GRK5: variants seen among roughly 807,000 people sequenced by gnomAD.
GRK5 encodes the protein G protein-coupled receptor kinase 5, also known as g protein-coupled receptor kinase GRK5.
Under a neutral mutation model 78.4 loss-of-function variants are expected in GRK5, and 40 were observed. The ratio of observed to expected loss-of-function variants is 0.51; its 90% CI spans 0.40 to 0.66. The LOEUF (loss-of-function observed/expected upper bound fraction) is 0.66, where lower values mean the gene tolerates loss of function less well. Ranked by LOEUF, GRK5 falls within the 30% of genes least tolerant of loss-of-function variation. The pLI is 0.00. For synonymous variants in GRK5, 289 were observed against 296.8 expected (o/e 0.97, Z 0.27); for missense variants, 598 against 759.9 (o/e 0.79, Z 2.50).
chr10:119,419,792 C>T (rs982683531), intron 4 of GRK5, among the ~76,000 whole-genome samples: 5 of 152,224 alleles, frequency 3.3e-5, no homozygotes, highest in African/African-American at 1.2e-4. Context: ...CCCCTTATTC[C>T]GTCTTCTATA....
chr10:119,442,498 A>G (rs770796881), intron 11 of GRK5, among the ~76,000 whole-genome samples: 1 of 152,194 alleles, frequency 6.6e-6, no homozygotes, highest in Non-Finnish European at 1.5e-5. Flanking sequence ...ACCAAGCATG[A>G]TTCCAGTAGA....
intron 12 of GRK5, among the ~76,000 whole-genome samples, chr10:119,447,316 C>T (rs868306121): frequency 5.3e-5 from 8 of 152,182 alleles, no homozygotes; most frequent in South Asian, 2.1e-4. Flanking sequence ...ATGAAAATCC[C>T]GCCACCTGAC....
At chr10:119,291,011 G>A (rs1849945320) in intron 1 of GRK5, among the ~76,000 whole-genome samples, 2 of 152,188 alleles carry the variant, frequency 1.3e-5, no homozygotes, top group Admixed American at 1.3e-4. Context: ...GGGTCAGACA[G>A]ATTGTTCTGT....
rs1164037205 is a variant in GRK5, at chr10:119,459,514, TTAAAA to T, written c.*4451_*4455del. ...AAGAGTTTAGTGGCTTTTGGTGTTGTTAAAATAATAAGAATCCTTCTAGCATCCAA... is the reference window on the plus strand; with the variant it reads ...AAGAGTTTAGTGGCTTTTGGTGTTGTTAATAAGAATCCTTCTAGCATCCAA... On this transcript the variant is annotated 3_prime_UTR_variant, in exon 16 of 16. Transcript: ENST00000392870. 2.0e-5 allele frequency: 3 copies of T among 152,352 alleles called. No individual in the cohort carries two copies. The East Asian group carries it at 5.8e-4, about 29-fold the overall frequency. The allele number at this position is 152,352 out of a possible 1,614,324, so 9.4% of individuals were successfully genotyped here. A position where few individuals can be genotyped will look rare whatever the true frequency, so the allele number is the denominator to read the frequency against.
At position 119,444,942 on chromosome 10, in the gene GRK5, C is replaced by G. The variant is rs562853122; in HGVS notation, c.1266+1190C>G. Among the ~76,000 whole-genome samples the G allele has an allele frequency of 3.3e-5, 5 of 152,338 alleles. No homozygotes were observed. In the South Asian group the frequency reaches 1.0e-3, roughly 32 times the overall value. On this transcript the variant is annotated intron_variant, in intron 12 of 15. Coordinates refer to ENST00000392870, the MANE Select transcript of GRK5 (RefSeq NM_005308.3). ...CCTGAGATCTGCGCCGCAAGCGGCC[C>G]CAGGAGGGTCTGGCTCGGCTCCTCA...
At chr10:119,362,728 T>G (rs576814906) in intron 2 of GRK5, among the ~76,000 whole-genome samples, 134 of 152,334 alleles carry the variant, frequency 8.8e-4, no homozygotes, top group African/African-American at 3.0e-3. Flanking sequence ...CCAAGAAGCA[T>G]GGGACCCTTG....
chr10:119,250,718 C>G (rs1849185551), intron 1 of GRK5, among the ~76,000 whole-genome samples: 1 of 152,112 alleles, frequency 6.6e-6, no homozygotes, highest in African/African-American at 2.4e-5. Flanking sequence ...GAGCTACACA[C>G]AAAATTGGAA....
chr10:119,243,798 A>C (rs888332533), intron 1 of GRK5, among the ~76,000 whole-genome samples: 3 of 152,236 alleles, frequency 2.0e-5, no homozygotes, highest in African/African-American at 7.2e-5. Context: ...AGTGCCACAC[A>C]GTGAAAACCA....
At chr10:119,274,722 G>C (rs140323880) in intron 1 of GRK5, among the ~76,000 whole-genome samples, 1 of 152,112 alleles carries the variant, frequency 6.6e-6, no homozygotes, top group Non-Finnish European at 1.5e-5. Context: ...TAGAGTTTTC[G>C]GTTTCTCTGT....
At chr10:119,215,620 A>G (rs59945210) in intron 1 of GRK5, among the ~76,000 whole-genome samples, 7,322 of 148,578 alleles carry the variant, frequency 0.049, 646 homozygotes, top group African/African-American at 0.17. Context: ...GTCAGGGACA[A>G]TCATGGATGG....
intron 2 of GRK5, among the ~76,000 whole-genome samples, chr10:119,343,281 G>A (rs989574178): frequency 2.6e-5 from 4 of 152,188 alleles, no homozygotes; most frequent in African/African-American, 9.7e-5. Context: ...GAGAGAGAGA[G>A]AGAGAACACT....
chr10:119,357,969 G>A (rs534560025), intron 2 of GRK5, among the ~76,000 whole-genome samples: 1 of 152,186 alleles, frequency 6.6e-6, no homozygotes, highest in Non-Finnish European at 1.5e-5. Context: ...AGCAGATCCT[G>A]GTCCTCTCGG....
rs1179346183 is a variant in GRK5, at chr10:119,431,101, G to A, written c.598-286G>A. ...CCCTGGGAATGGAACGGTACTTGGG[G>A]CCCCAGTCAGTTATCTAAGCCTTGG... On this transcript the variant is annotated intron_variant, in intron 7 of 15. Coordinates refer to ENST00000392870, the MANE Select transcript of GRK5 (RefSeq NM_005308.3). This position sits in a 1 kb window ranked among gnomAD's most constrained non-coding sequence, Gnocchi z 4.8. Among the ~76,000 whole-genome samples the A allele has an allele frequency of 1.3e-5, 2 of 152,182 alleles. No individual in the cohort carries two copies. Among genetic ancestry groups the A allele is most frequent in the African/African-American group, 2.4e-5 (1 of 41,448 alleles).
intron 1 of GRK5, among the ~76,000 whole-genome samples, chr10:119,294,918 C>T (rs1161515710): frequency 6.6e-6 from 1 of 152,078 alleles, no homozygotes; most frequent in African/African-American, 2.4e-5. Flanking sequence ...TGGCTGGGTG[C>T]AGTGGCTCAG....
intron 1 of GRK5, among the ~76,000 whole-genome samples, chr10:119,235,331 C>T (rs1009595847): frequency 1.3e-5 from 2 of 152,092 alleles, no homozygotes; most frequent in African/African-American, 4.8e-5. Flanking sequence ...TGCCTATTAT[C>T]CCTGGAAAAC....
chr10:119,385,133 G>A (rs1019135932), intron 3 of GRK5, among the ~76,000 whole-genome samples: 2 of 152,204 alleles, frequency 1.3e-5, no homozygotes, highest in Non-Finnish European at 2.9e-5. Flanking sequence ...GAGGGGCAGA[G>A]GGGGTAGGAG....
intron 1 of GRK5, among the ~76,000 whole-genome samples, chr10:119,316,861 G>C (rs888082678): frequency 1.3e-5 from 2 of 152,062 alleles, no homozygotes; most frequent in Non-Finnish European, 2.9e-5. Context: ...CTGGCCCCCC[G>C]TCCCTCCCTG....
chr10:119,207,636 A>G lies in GRK5; in HGVS notation c.-282A>G. 1 of 271,926 alleles carries G rather than the reference A, an allele frequency of 3.7e-6. No homozygotes were observed. Among genetic ancestry groups the G allele is most frequent in the Non-Finnish European group, 6.3e-6 (1 of 159,536 alleles). 16.8% of individuals were successfully genotyped at this position (271,926 alleles called of 1,614,324 possible). On this transcript the variant is annotated 5_prime_UTR_variant, in exon 1 of 16. Transcript: ENST00000392870. The stretch of plus-strand genomic sequence containing the variant: ...GGGAGGAGAATGGAGTGACAGAGAC[A>G]CGCGGAGGGTGGGGGGTGGGGGGGA...
intron 2 of GRK5, among the ~76,000 whole-genome samples, chr10:119,374,711 T>G (rs995374920): frequency 2.6e-4 from 40 of 152,218 alleles, no homozygotes; most frequent in Non-Finnish European, 1.3e-4. Context: ...CTAAGTCTCA[T>G]GTTGAGATGT....
Sources: allele counts gnomAD v4.1 joint callset (sites outside exome capture counted in the v4.1 genomes callset), GRCh38; gene constraint gnomAD v4.1.1; non-coding constraint Gnocchi (gnomAD v3.1); transcripts MANE v1.5; gene names NCBI Gene and HGNC (gene_info 2026-07-23, HGNC 2026-07-21).